MKLN1: variants seen among roughly 807,000 people sequenced by gnomAD.
MKLN1 encodes the protein muskelin.
A neutral mutation model predicts 99.0 loss-of-function variants in MKLN1; 18 were observed. That is an observed-to-expected ratio of 0.18 (90% CI 0.13 to 0.27). The LOEUF (loss-of-function observed/expected upper bound fraction) is 0.27. Ranked by LOEUF, MKLN1 falls within the 10% of genes least tolerant of loss-of-function variation. MKLN1 has a pLI of 1.00. For synonymous variants in MKLN1, 288 were observed against 293.2 expected (o/e 0.98, Z 0.18); for missense variants, 621 against 875.9 (o/e 0.71, Z 3.67).
intron 8 of MKLN1, among the ~76,000 whole-genome samples, chr7:131,428,564 C>T (rs1795427774): frequency 6.6e-6 from 1 of 152,130 alleles, no homozygotes; most frequent in Non-Finnish European, 1.5e-5. Context: ...TGTACTTTTA[C>T]ACTATATATT....
chr7:131,481,923 T>C (rs1230837840), intron 17 of MKLN1, among the ~76,000 whole-genome samples: 2 of 151,984 alleles, frequency 1.3e-5, no homozygotes, highest in African/African-American at 4.8e-5. Flanking sequence ...ATTAATATTG[T>C]ATGTAAAATT....
intron 1 of MKLN1, among the ~76,000 whole-genome samples, chr7:131,133,117 T>C (rs992719020): frequency 2.0e-5 from 3 of 151,708 alleles, no homozygotes; most frequent in Non-Finnish European, 4.4e-5. Flanking sequence ...CCCAACCAGC[T>C]GTCTTGTGGG....
intron 1 of MKLN1, among the ~76,000 whole-genome samples, chr7:131,361,104 AT>A (rs539408232): frequency 1.4e-4 from 22 of 151,866 alleles, no homozygotes; most frequent in Admixed American, 1.3e-3. Flanking sequence ...ACTCCAACTT[AT>A]AAATTTTTTT....
chr7:131,401,996 TTAAAA>T (rs1258181531), intron 6 of MKLN1, among the ~76,000 whole-genome samples: 3 of 152,178 alleles, frequency 2.0e-5, no homozygotes, highest in African/African-American at 7.2e-5. Flanking sequence ...TGACAGTTTC[TTAAAA>T]TAAGACAAAA....
At chr7:131,138,338 C>G (rs1795682698) in intron 1 of MKLN1, among the ~76,000 whole-genome samples, 1 of 152,118 alleles carries the variant, frequency 6.6e-6, no homozygotes, top group Non-Finnish European at 1.5e-5. Flanking sequence ...TTTGAAGCAT[C>G]ATTTCATTAT....
chr7:131,409,354 C>T (rs767180062), intron 6 of MKLN1, among the ~76,000 whole-genome samples: 7 of 152,038 alleles, frequency 4.6e-5, no homozygotes, highest in Non-Finnish European at 1.0e-4. Context: ...TTTTAGGTTG[C>T]GAAAGTTGCA....
At chr7:131,233,776 T>C (rs2116479748) in intron 3 of MKLN1, among the ~76,000 whole-genome samples, 1 of 152,190 alleles carries the variant, frequency 6.6e-6, no homozygotes, top group East Asian at 1.9e-4. Context: ...CTACTGGACT[T>C]TAAGACATCA....
At chr7:131,164,138 G>T (rs1369476310) in intron 2 of MKLN1, among the ~76,000 whole-genome samples, 1 of 152,192 alleles carries the variant, frequency 6.6e-6, no homozygotes, top group African/African-American at 2.4e-5. Context: ...TTGAGACAGG[G>T]TCTCACTCTG....
At chr7:131,386,674 A>G (rs1235318691) in intron 2 of MKLN1, among the ~76,000 whole-genome samples, 1 of 152,214 alleles carries the variant, frequency 6.6e-6, no homozygotes, top group Non-Finnish European at 1.5e-5. Flanking sequence ...GGCAGGGTTG[A>G]TTAGTAAATC....
At chr7:131,230,198 T>C (rs1300282020) in intron 3 of MKLN1, among the ~76,000 whole-genome samples, 4 of 152,164 alleles carry the variant, frequency 2.6e-5, no homozygotes, top group Non-Finnish European at 5.9e-5. Context: ...TTTGACAGTC[T>C]TATGGTCTCT....
At chr7:131,178,839 G>A (rs1484392561) in intron 2 of MKLN1, among the ~76,000 whole-genome samples, 1 of 151,932 alleles carries the variant, frequency 6.6e-6, no homozygotes, top group African/African-American at 2.4e-5. Context: ...ATTTTGTTTT[G>A]GCCCAATATA....
At chr7:131,398,943 T>C (rs1419385335) in intron 5 of MKLN1, among the ~76,000 whole-genome samples, 3 of 152,142 alleles carry the variant, frequency 2.0e-5, no homozygotes, top group Non-Finnish European at 4.4e-5. Context: ...TTAAGTGGAG[T>C]TTAAGAAATA....
chr7:131,295,883 C>CA (rs57235729), intron 3 of MKLN1, among the ~76,000 whole-genome samples: 43,603 of 102,968 alleles, frequency 0.42, 7,238 homozygotes, highest in East Asian at 0.51. Context: ...ACGTCCTATC[C>CA]AAAAAAAAAA....
At chr7:131,224,212 T>G (rs928797453) in intron 3 of MKLN1, among the ~76,000 whole-genome samples, 2 of 152,238 alleles carry the variant, frequency 1.3e-5, no homozygotes, top group African/African-American at 4.8e-5. Flanking sequence ...GAGATCAGCC[T>G]GGGCAACACA....
At chr7:131,222,153 C>T (rs1001156688) in intron 3 of MKLN1, among the ~76,000 whole-genome samples, 7 of 152,126 alleles carry the variant, frequency 4.6e-5, no homozygotes, top group Admixed American at 2.0e-4. Flanking sequence ...CTCGGCCTCC[C>T]GAAGTGCTGG....
At chr7:131,418,405 A>C (rs925074038) in intron 8 of MKLN1, among the ~76,000 whole-genome samples, 2 of 151,162 alleles carry the variant, frequency 1.3e-5, no homozygotes, top group African/African-American at 2.4e-5. Context: ...GAGATAAATC[A>C]GGGGTGTTCA....
chr7:131,425,975 T>A (rs1489322142), intron 8 of MKLN1, among the ~76,000 whole-genome samples: 1 of 152,178 alleles, frequency 6.6e-6, no homozygotes, highest in East Asian at 1.9e-4. Flanking sequence ...AATTAAAATT[T>A]TTGTTACGCA....
At chr7:131,384,116 A>G (rs1484775862) in intron 2 of MKLN1, among the ~76,000 whole-genome samples, 1 of 150,810 alleles carries the variant, frequency 6.6e-6, no homozygotes, top group Admixed American at 6.6e-5. Flanking sequence ...CTGCAACCAC[A>G]CTGGCATTTT....
intron 10 of MKLN1, among the ~76,000 whole-genome samples, chr7:131,439,532 A>G (rs1795769748): frequency 6.6e-6 from 1 of 152,188 alleles, no homozygotes; most frequent in South Asian, 2.1e-4. Flanking sequence ...AGTAATCTGT[A>G]TAATCCTGCA....
Sources: gnomAD v4.1 joint callset for allele counts (sites outside exome capture counted in the v4.1 genomes callset) on GRCh38, gnomAD v4.1.1 for gene constraint, MANE v1.5 for transcripts, NCBI Gene and HGNC (gene_info 2026-07-23, HGNC 2026-07-21) for gene names.